The following CCSER1 variants were observed in gnomAD, a reference collection of about 807,000 sequenced individuals.
CCSER1 encodes the protein coiled-coil serine rich protein 1.
A neutral mutation model predicts 82.0 loss-of-function variants in CCSER1; 41 were observed. That is an observed-to-expected ratio of 0.50 (90% CI 0.39 to 0.65). The LOEUF is 0.65. Ranked by LOEUF, CCSER1 falls within the 30% of genes least tolerant of loss-of-function variation. The pLI is 0.00. For synonymous variants in CCSER1, 414 were observed against 383.9 expected (o/e 1.08, Z -0.92); for missense variants, 1,119 against 1,064.2 (o/e 1.05, Z -0.72).
chr4:91,113,427 TCACAAATCCA>T (rs989448674), intron 10 of CCSER1, among the ~76,000 whole-genome samples: 1 of 152,186 alleles, frequency 6.6e-6, no homozygotes, highest in Non-Finnish European at 1.5e-5. Context: ...GGTATTATCA[TCACAAATCCA>T]CCCTGGAGAC....
At chr4:90,757,985 C>T (rs534154959) in intron 7 of CCSER1, among the ~76,000 whole-genome samples, 11 of 145,150 alleles carry the variant, frequency 7.6e-5, no homozygotes, top group Non-Finnish European at 1.5e-4. Context: ...GTTGCCCAGG[C>T]TGGAGTGCAA....
intron 5 of CCSER1, among the ~76,000 whole-genome samples, chr4:90,555,898 G>A (rs371739678): frequency 6.6e-6 from 1 of 151,972 alleles, no homozygotes; most frequent in South Asian, 2.1e-4. Flanking sequence ...CTAGACACAG[G>A]AAGTTATTTT....
At chr4:90,279,296 A>G (rs550538397) in intron 1 of CCSER1, among the ~76,000 whole-genome samples, 8 of 152,170 alleles carry the variant, frequency 5.3e-5, no homozygotes, top group African/African-American at 1.9e-4. Flanking sequence ...GACTGTATGC[A>G]CATAGTTTTA....
chr4:91,216,600 G>A (rs892479142), intron 10 of CCSER1, among the ~76,000 whole-genome samples: 2 of 152,134 alleles, frequency 1.3e-5, no homozygotes, highest in African/African-American at 4.8e-5. Flanking sequence ...GATTACAGGC[G>A]TGAGCCACTG....
At chr4:90,569,453 G>A (rs547872716) in intron 5 of CCSER1, among the ~76,000 whole-genome samples, 23 of 152,284 alleles carry the variant, frequency 1.5e-4, no homozygotes, top group Non-Finnish European at 2.9e-4. Flanking sequence ...GAGGAAGCTC[G>A]GATGTCTGCT....
intron 10 of CCSER1, among the ~76,000 whole-genome samples, chr4:91,496,536 C>T (rs1278356818): frequency 7.8e-6 from 1 of 128,538 alleles, no homozygotes; most frequent in African/African-American, 2.8e-5. Context: ...AATATATGAA[C>T]ATGAGTGGTA....
chr4:91,528,507 T>G (rs554292453), intron 10 of CCSER1, among the ~76,000 whole-genome samples: 1 of 152,220 alleles, frequency 6.6e-6, no homozygotes, highest in Non-Finnish European at 1.5e-5. Context: ...AACAGAGCAA[T>G]GTTGCTATAC....
intron 10 of CCSER1, among the ~76,000 whole-genome samples, chr4:91,496,872 A>ATATTCAAATATATATTGAATATATG (rs1553946419): frequency 7.7e-6 from 1 of 129,394 alleles, no homozygotes. Flanking sequence ...TTGAATATAT[A>ATATTCAAATATATATTGAATATATG]TATTCAATTC....
At chr4:91,589,574 CTTTT>C (rs11411865) in intron 10 of CCSER1, among the ~76,000 whole-genome samples, 5 of 144,638 alleles carry the variant, frequency 3.5e-5, no homozygotes, top group African/African-American at 7.5e-5. Flanking sequence ...ACAAGAGGCT[CTTTT>C]TTTTTTTTTT....
At chr4:90,166,499 ATAT>A (rs1459695736) in intron 1 of CCSER1, among the ~76,000 whole-genome samples, 2 of 152,024 alleles carry the variant, frequency 1.3e-5, no homozygotes, top group African/African-American at 4.8e-5. Flanking sequence ...TATTTTGTTT[ATAT>A]TATTAAAAGC....
Position 91,200,052 on chromosome 4 carries a change from G to A in CCSER1, c.2217+114058G>A, listed in dbSNP as rs1051059073. On this transcript the variant is annotated intron_variant, in intron 10 of 10. Transcript: ENST00000509176. Reference sequence around the variant, plus strand: ...TTCTAAATTGACTCAATAATATTAAGTGAGGAATTTATGTTCCAGCAAACA... The same window carrying A: ...TTCTAAATTGACTCAATAATATTAAATGAGGAATTTATGTTCCAGCAAACA... Among the ~76,000 whole-genome samples the A allele has an allele frequency of 2.5e-4, 38 of 151,546 alleles. 1 individual carries two copies. The highest frequency in any genetic ancestry group is 5.3e-4 in the Non-Finnish European group (36 of 67,720).
intron 9 of CCSER1, among the ~76,000 whole-genome samples, chr4:91,081,892 C>T (rs1255236322): frequency 6.6e-6 from 1 of 152,070 alleles, no homozygotes; most frequent in Non-Finnish European, 1.5e-5. Flanking sequence ...AACTACAAAC[C>T]ACTGCTCAAT....
At chr4:91,184,434 C>T (rs1172594822) in intron 10 of CCSER1, among the ~76,000 whole-genome samples, 1 of 152,178 alleles carries the variant, frequency 6.6e-6, no homozygotes, top group Admixed American at 6.5e-5. Context: ...CAGGAGAAGG[C>T]AATCCTGGCT....
intron 1 of CCSER1, among the ~76,000 whole-genome samples, chr4:90,179,817 C>G (rs1430909860): frequency 6.6e-6 from 1 of 151,634 alleles, no homozygotes; most frequent in Non-Finnish European, 1.5e-5. Context: ...TTAAACTGTA[C>G]CATTTCTAGC....
rs566368164 is a variant in CCSER1, at chr4:91,151,743, T to C, written c.2217+65749T>C. ...AATTTCTTTATGTACCCAGTAGTCATTCAAGAGCAGGTTGTTCAGTTTCCA... is the reference window on the plus strand; with the variant it reads ...AATTTCTTTATGTACCCAGTAGTCACTCAAGAGCAGGTTGTTCAGTTTCCA... On this transcript the variant is annotated intron_variant, in intron 10 of 10. Transcript: ENST00000509176. Among the ~76,000 whole-genome samples, 19 of 152,334 alleles carry C rather than the reference T, an allele frequency of 1.2e-4. 1 individual carries two copies. In the South Asian group the frequency reaches 3.9e-3, roughly 32 times the overall value.
chr4:90,423,878 C>T (rs551190556), intron 4 of CCSER1, among the ~76,000 whole-genome samples: 9 of 151,626 alleles, frequency 5.9e-5, no homozygotes, highest in South Asian at 4.2e-4. Context: ...TCAAGGTGGG[C>T]GGATCACCGG....
chr4:90,546,622 T>A (rs1292300203), intron 5 of CCSER1, among the ~76,000 whole-genome samples: 1 of 152,134 alleles, frequency 6.6e-6, no homozygotes, highest in East Asian at 1.9e-4. Context: ...ATGACAAAAT[T>A]TAAGTCACAT....
In CCSER1 at chr4:90,290,751, T is replaced by C. The variant is rs550189614; in HGVS notation, c.-41-17493T>C. ...TGATTGGAAAGTCGCTTAAAACTTTTCTTGATTACCTAACAGTGGATCTGT... is the reference window on the plus strand; with the variant it reads ...TGATTGGAAAGTCGCTTAAAACTTTCCTTGATTACCTAACAGTGGATCTGT... On this transcript the variant is annotated intron_variant, in intron 1 of 10. Coordinates refer to ENST00000509176, the MANE Select transcript of CCSER1 (RefSeq NM_001145065.2). Among the ~76,000 whole-genome samples, 41 of 152,114 alleles carry C rather than the reference T, an allele frequency of 2.7e-4. 2 individuals are homozygous for C. The South Asian group carries it at 8.5e-3, about 32-fold the overall frequency.
intron 5 of CCSER1, among the ~76,000 whole-genome samples, chr4:90,618,304 A>G (rs1363573436): frequency 2.6e-5 from 4 of 151,918 alleles, no homozygotes; most frequent in African/African-American, 4.8e-5. Context: ...CAGGACAACA[A>G]TTTTCTTTTT....
Sources: gnomAD v4.1 joint callset for allele counts (sites outside exome capture counted in the v4.1 genomes callset) on GRCh38, gnomAD v4.1.1 for gene constraint, MANE v1.5 for transcripts, NCBI Gene and HGNC (gene_info 2026-07-23, HGNC 2026-07-21) for gene names.